The following GRID1 variants were observed in gnomAD, a reference collection of about 807,000 sequenced individuals.
GRID1 encodes the protein glutamate receptor ionotropic, delta-1.
GRID1 carries 28 observed loss-of-function variants against 98.0 expected under a neutral mutation model. That is an observed-to-expected ratio of 0.29 (90% CI 0.21 to 0.39). The LOEUF is 0.39. Among genes scored for constraint, GRID1 ranks in the 10% least tolerant of loss-of-function variants. GRID1 has a pLI of 1.00. For synonymous variants in GRID1, 553 were observed against 538.5 expected (o/e 1.03, Z -0.37); for missense variants, 1,111 against 1,340.5 (o/e 0.83, Z 2.67).
chr10:86,082,245 A>C (rs1411743577), intron 4 of GRID1, among the ~76,000 whole-genome samples: 1 of 152,188 alleles, frequency 6.6e-6, no homozygotes, highest in African/African-American at 2.4e-5. Flanking sequence ...GTTTGAGGGG[A>C]GGGAACACGT....
intron 3 of GRID1, among the ~76,000 whole-genome samples, chr10:86,201,695 T>TAAA (rs10685803): frequency 4.9e-5 from 7 of 141,520 alleles, no homozygotes; most frequent in East Asian, 2.0e-4. Flanking sequence ...AAATAAAAGT[T>TAAA]AAAAAAAAAA....
At chr10:86,261,389 G>C (rs1191534492) in intron 2 of GRID1, among the ~76,000 whole-genome samples, 3 of 152,222 alleles carry the variant, frequency 2.0e-5, no homozygotes, top group African/African-American at 7.2e-5. Context: ...AGGATCGGAT[G>C]TGAAAAGCAC....
chr10:85,839,476 A>G (rs1043529745), intron 8 of GRID1, among the ~76,000 whole-genome samples: 2 of 152,214 alleles, frequency 1.3e-5, no homozygotes, highest in South Asian at 4.1e-4. Flanking sequence ...ATCAAGACAA[A>G]GAAATTCACT....
intron 14 of GRID1, among the ~76,000 whole-genome samples, chr10:85,617,778 G>A (rs1238938906): frequency 6.6e-6 from 1 of 152,228 alleles, no homozygotes; most frequent in African/African-American, 2.4e-5. Flanking sequence ...TTTGATTATG[G>A]TGACTATTGG....
chr10:85,674,016 A>AT (rs1305248304), intron 12 of GRID1, among the ~76,000 whole-genome samples: 21 of 152,240 alleles, frequency 1.4e-4, no homozygotes, highest in Admixed American at 1.2e-3. Flanking sequence ...TAATGGATCC[A>AT]TTTTTTTAAC....
At chr10:86,079,980 G>A (rs921732975) in intron 4 of GRID1, among the ~76,000 whole-genome samples, 2 of 152,150 alleles carry the variant, frequency 1.3e-5, no homozygotes, top group Non-Finnish European at 2.9e-5. Flanking sequence ...AACCCAAAAG[G>A]GAACCATGTC....
chr10:85,809,078 A>G (rs1239147523), intron 8 of GRID1, among the ~76,000 whole-genome samples: 1 of 152,186 alleles, frequency 6.6e-6, no homozygotes, highest in Non-Finnish European at 1.5e-5. Context: ...CGAGAATTGT[A>G]AAATAAAATA....
chr10:86,129,706 C>T (rs1844805733), intron 4 of GRID1, among the ~76,000 whole-genome samples: 1 of 152,214 alleles, frequency 6.6e-6, no homozygotes, highest in Admixed American at 6.5e-5. Flanking sequence ...CCATCTGCTT[C>T]CACCCAGGAA....
chr10:85,602,530 G>T lies in GRID1; in HGVS notation c.2773C>A (p.Leu925Ile). ...EPTREYQNTQLSVSTFLPEQS... is the reference protein window; with the variant it reads ...EPTREYQNTQISVSTFLPEQS... ...TCTGGCAGAAAGGTGCTGACCGAGA[G>T]CTGGGTGTTCTGGTACTCCCGTGTC... is the stretch of plus-strand genomic sequence containing the variant. Residue 925 changes from leucine (L) to isoleucine (I), a missense_variant, in exon 16 of 16, where the codon CTC (leucine) becomes ATC (isoleucine). Physicochemically the swap from Leu to Ile is conservative, Grantham distance 5. This residue lies in a region of GRID1 where 762 missense variants were observed against 869.1 expected (regional missense o/e 0.88). Coordinates refer to ENST00000327946, the MANE Select transcript of GRID1 (RefSeq NM_017551.3). The T allele has an allele frequency of 6.2e-7, 1 of 1,614,182 alleles. No individual in the cohort carries two copies. Among genetic ancestry groups the T allele is most frequent in the South Asian group, 1.1e-5 (1 of 91,080 alleles).
At chr10:85,911,423 G>C (rs111604672) in intron 5 of GRID1, among the ~76,000 whole-genome samples, 12,477 of 152,134 alleles carry the variant, frequency 0.082, 582 homozygotes, top group Middle Eastern at 0.15. Flanking sequence ...CGTGAGATGT[G>C]GAGTCACCGA....
chr10:86,063,627 A>G (rs1050077288), intron 4 of GRID1, among the ~76,000 whole-genome samples: 1 of 152,228 alleles, frequency 6.6e-6, no homozygotes, highest in African/African-American at 2.4e-5. Flanking sequence ...TGTAAGATAT[A>G]CTTTGCAGCT....
intron 12 of GRID1, among the ~76,000 whole-genome samples, chr10:85,697,418 T>C (rs1451286522): frequency 6.6e-6 from 1 of 152,188 alleles, no homozygotes; most frequent in Admixed American, 6.5e-5. Flanking sequence ...CTGTCTGATA[T>C]TGATATAGCC....
At chr10:86,002,679 T>C (rs1269163554) in intron 4 of GRID1, among the ~76,000 whole-genome samples, 1 of 152,184 alleles carries the variant, frequency 6.6e-6, no homozygotes, top group Non-Finnish European at 1.5e-5. Flanking sequence ...GTTATTTTGT[T>C]TAAAGGGACT....
At chr10:86,223,393 G>C (rs771497106) in intron 2 of GRID1, among the ~76,000 whole-genome samples, 8 of 152,348 alleles carry the variant, frequency 5.3e-5, no homozygotes, top group Non-Finnish European at 8.8e-5. Context: ...AGCTGTGGCT[G>C]GGGGCTCGGC....
At chr10:86,070,510 C>A (rs1392890250) in intron 4 of GRID1, among the ~76,000 whole-genome samples, 9 of 152,204 alleles carry the variant, frequency 5.9e-5, no homozygotes, top group African/African-American at 2.2e-4. Flanking sequence ...TGACATCCAT[C>A]CTGCCTGCCA....
chr10:86,175,297 C>T (rs537792578), intron 3 of GRID1, among the ~76,000 whole-genome samples: 1 of 151,328 alleles, frequency 6.6e-6, no homozygotes, highest in East Asian at 1.9e-4. Flanking sequence ...CACTCACTTA[C>T]TCCCAAAAGG....
intron 8 of GRID1, among the ~76,000 whole-genome samples, chr10:85,793,254 G>C (rs1842497346): frequency 2.0e-5 from 3 of 152,178 alleles, no homozygotes; most frequent in Admixed American, 6.5e-5. Context: ...CAGGGACTCT[G>C]CTGGTGCATC....
chr10:85,663,449 A>G (rs1159097366), intron 12 of GRID1, among the ~76,000 whole-genome samples: 1 of 152,204 alleles, frequency 6.6e-6, no homozygotes, highest in Non-Finnish European at 1.5e-5. Flanking sequence ...AGCTCTGCCC[A>G]CATTTTGATC....
intron 12 of GRID1, among the ~76,000 whole-genome samples, chr10:85,672,857 T>C (rs1473368253): frequency 6.6e-6 from 1 of 152,266 alleles, no homozygotes; most frequent in Non-Finnish European, 1.5e-5. Context: ...GATCAAGGTA[T>C]AATTTTGACT....
Sources: allele counts gnomAD v4.1 joint callset (sites outside exome capture counted in the v4.1 genomes callset), GRCh38; gene constraint gnomAD v4.1.1; regional missense constraint gnomAD v4.1.1; transcripts MANE v1.5; gene names NCBI Gene and HGNC (gene_info 2026-07-23, HGNC 2026-07-21).